NKAIN3: variants seen among roughly 807,000 people sequenced by gnomAD.
NKAIN3 encodes the protein sodium/potassium transporting ATPase interacting 3.
Under a neutral mutation model 30.2 loss-of-function variants are expected in NKAIN3, and 25 were observed. That is an observed-to-expected ratio of 0.83 (90% CI 0.60 to 1.16). The LOEUF is 1.16. Ranked by LOEUF, NKAIN3 falls within the 50% of genes most tolerant of loss-of-function variation. The pLI is 0.00. For missense variants in NKAIN3, 225 were observed against 254.1 expected (o/e 0.89, Z 0.78); for synonymous variants, 91 against 89.6 (o/e 1.02, Z -0.09).
intron 4 of NKAIN3, among the ~76,000 whole-genome samples, chr8:62,790,558 T>C (rs1196617797): frequency 4.1e-5 from 6 of 146,144 alleles, no homozygotes; most frequent in Non-Finnish European, 6.1e-5. Context: ...CTTGTGTGTG[T>C]GTGTGTGTGT....
intron 4 of NKAIN3, among the ~76,000 whole-genome samples, chr8:62,831,582 C>G (rs764212525): frequency 6.6e-6 from 1 of 151,828 alleles, no homozygotes; most frequent in African/African-American, 2.4e-5. Flanking sequence ...TTTCAAAATA[C>G]AAATGAAAGT....
intron 4 of NKAIN3, among the ~76,000 whole-genome samples, chr8:62,891,674 G>C (rs901439768): frequency 1.3e-5 from 2 of 152,062 alleles, no homozygotes; most frequent in African/African-American, 4.8e-5. Context: ...CTTTTGAACA[G>C]AGACAAAATT....
intron 1 of NKAIN3, among the ~76,000 whole-genome samples, chr8:62,308,310 T>G (rs1814319820): frequency 6.7e-6 from 1 of 150,140 alleles, no homozygotes; most frequent in Non-Finnish European, 1.5e-5. Context: ...GCCTTCTGCT[T>G]TTGGTGTTTT....
At chr8:62,758,069 G>A (rs779315666) in intron 4 of NKAIN3, among the ~76,000 whole-genome samples, 3 of 152,088 alleles carry the variant, frequency 2.0e-5, no homozygotes, top group African/African-American at 4.8e-5. Context: ...ATTCAACCTC[G>A]AGGAGGACTT....
intron 3 of NKAIN3, among the ~76,000 whole-genome samples, chr8:62,639,678 T>G (rs754581979): frequency 1.3e-5 from 2 of 152,002 alleles, no homozygotes; most frequent in African/African-American, 4.8e-5. Context: ...TTTGAGTGGA[T>G]TAGAAGTGAT....
intron 5 of NKAIN3, among the ~76,000 whole-genome samples, chr8:62,932,465 T>G (rs575119128): frequency 1.3e-5 from 2 of 152,202 alleles, no homozygotes; most frequent in Non-Finnish European, 2.9e-5. Flanking sequence ...GAACATATAG[T>G]ATGGTCTCAT....
At chr8:62,271,548 C>T (rs1385853061) in intron 1 of NKAIN3, among the ~76,000 whole-genome samples, 1 of 152,112 alleles carries the variant, frequency 6.6e-6, no homozygotes, top group Non-Finnish European at 1.5e-5. Context: ...AATATAATGT[C>T]TTCCTTACAT....
intron 1 of NKAIN3, among the ~76,000 whole-genome samples, chr8:62,271,281 T>A (rs1812771895): frequency 1.3e-5 from 2 of 152,150 alleles, no homozygotes; most frequent in African/African-American, 4.8e-5. Context: ...TCCAATAAAT[T>A]CTTTGACTTA....
At chr8:62,899,448 A>G (rs1821534092) in intron 4 of NKAIN3, among the ~76,000 whole-genome samples, 1 of 152,174 alleles carries the variant, frequency 6.6e-6, no homozygotes, top group South Asian at 2.1e-4. Context: ...AACAACATGG[A>G]TGGAACTGGA....
intron 4 of NKAIN3, among the ~76,000 whole-genome samples, chr8:62,894,242 A>G (rs943330354): frequency 6.6e-6 from 1 of 152,192 alleles, no homozygotes; most frequent in Non-Finnish European, 1.5e-5. Context: ...TCAATTATTC[A>G]TGCTAATTTC....
At chr8:62,370,559 A>T (rs957702474) in intron 1 of NKAIN3, among the ~76,000 whole-genome samples, 3 of 151,964 alleles carry the variant, frequency 2.0e-5, no homozygotes, top group Non-Finnish European at 4.4e-5. Flanking sequence ...ATTTGTACTG[A>T]AGTACCTTGA....
chr8:62,951,523 G>T (rs1254670325), intron 5 of NKAIN3, among the ~76,000 whole-genome samples: 1 of 152,094 alleles, frequency 6.6e-6, no homozygotes, highest in Admixed American at 6.5e-5. Flanking sequence ...CACAATCTGG[G>T]CTCACTGCAA....
chr8:62,729,039 A>AAAAAAAAAAAAAAAAAACAAAC (rs200466973), intron 3 of NKAIN3, among the ~76,000 whole-genome samples: 3 of 96,922 alleles, frequency 3.1e-5, no homozygotes, highest in African/African-American at 7.9e-5. Context: ...AAAAAAAAAA[A>AAAAAAAAAAAAAAAAAACAAAC]CAAAAAAAAA....
intron 1 of NKAIN3, among the ~76,000 whole-genome samples, chr8:62,254,895 A>G (rs1487958757): frequency 2.6e-5 from 4 of 152,252 alleles, no homozygotes; most frequent in African/African-American, 9.6e-5. Context: ...AACATGGATT[A>G]GTTGTAATAA....
intron 4 of NKAIN3, chr8:62,863,349 C>T (rs1457739240): frequency 2.6e-6 from 4 of 1,547,132 alleles, no homozygotes; most frequent in Middle Eastern, 1.7e-4. Context: ...CCTCAGTGGT[C>T]TCAGCTGCCG....
intron 1 of NKAIN3, among the ~76,000 whole-genome samples, chr8:62,281,994 CT>C (rs35944966): frequency 0.6 from 88,905 of 148,956 alleles, 26,521 homozygotes; most frequent in East Asian, 0.68. Context: ...CTCAAGTTAT[CT>C]TTTTTTTTTT....
At chr8:62,259,292 C>A (rs1348523209) in intron 1 of NKAIN3, among the ~76,000 whole-genome samples, 1 of 152,064 alleles carries the variant, frequency 6.6e-6, no homozygotes, top group Non-Finnish European at 1.5e-5. Context: ...TTTTCAGTAA[C>A]ATTAATTTTG....
intron 4 of NKAIN3, among the ~76,000 whole-genome samples, chr8:62,796,997 T>C (rs1302549183): frequency 6.6e-6 from 1 of 152,174 alleles, no homozygotes; most frequent in Admixed American, 6.5e-5. Flanking sequence ...CTGATTCCAT[T>C]TGTTTAGAGA....
chr8:62,416,676 T>C (rs1001790089), intron 1 of NKAIN3, among the ~76,000 whole-genome samples: 2 of 152,174 alleles, frequency 1.3e-5, no homozygotes, highest in South Asian at 2.1e-4. Flanking sequence ...AATTATACTT[T>C]ATTGGTTATT....
Sources: allele counts gnomAD v4.1 joint callset (sites outside exome capture counted in the v4.1 genomes callset), GRCh38; gene constraint gnomAD v4.1.1; transcripts MANE v1.5; gene names NCBI Gene and HGNC (gene_info 2026-07-23, HGNC 2026-07-21).